ARK2C: variants seen among roughly 807,000 people sequenced by gnomAD.
The protein encoded by ARK2C is E3 ubiquitin-protein ligase ARK2C.
At chr18:46,366,814 C>T in the ARK2C span, among the ~76,000 whole-genome samples, 1 of 152,300 alleles carries the variant, frequency 6.6e-6, no homozygotes. Context: ...TACGTGTGGA[C>T]TACCTGCCAT....
At chr18:46,340,600 A>T in the ARK2C span, among the ~76,000 whole-genome samples, 2 of 152,192 alleles carry the variant, frequency 1.3e-5, no homozygotes. Context: ...CTGACTGCTG[A>T]GATAAAAGAG....
At chr18:46,358,773 C>A in the ARK2C span, among the ~76,000 whole-genome samples, 1 of 152,222 alleles carries the variant, frequency 6.6e-6, no homozygotes, top group Non-Finnish European at 1.5e-5. Context: ...TTCTCACATG[C>A]TCAGGGAGAA....
the ARK2C span, among the ~76,000 whole-genome samples, chr18:46,345,195 C>T: frequency 6.6e-6 from 1 of 151,984 alleles, no homozygotes; most frequent in Admixed American, 6.5e-5. Context: ...GAAGTTTGCG[C>T]CCGCTGGAAC....
At chr18:46,353,414 T>A in the ARK2C span, among the ~76,000 whole-genome samples, 1 of 151,984 alleles carries the variant, frequency 6.6e-6, no homozygotes, top group African/African-American at 2.4e-5. Flanking sequence ...GGCTGCTAGG[T>A]GAGAGCAAGG....
chr18:46,357,183 C>T, the ARK2C span, among the ~76,000 whole-genome samples: 28 of 152,286 alleles, frequency 1.8e-4, no homozygotes, highest in Non-Finnish European at 3.4e-4. Context: ...AAGGACTCCT[C>T]GCTGAATAGT....
the ARK2C span, among the ~76,000 whole-genome samples, chr18:46,362,974 T>A: frequency 6.6e-6 from 1 of 152,066 alleles, no homozygotes; most frequent in African/African-American, 2.4e-5. Context: ...TCCACAGAGA[T>A]CTTTCCACGC....
chr18:46,397,710 G>A, the ARK2C span, among the ~76,000 whole-genome samples: 6 of 142,662 alleles, frequency 4.2e-5, no homozygotes, highest in East Asian at 6.5e-4. Flanking sequence ...GTGAGGGTGT[G>A]TGTGCATGTG....
chr18:46,334,752 G>A, the ARK2C span: 1 of 320,912 alleles, frequency 3.1e-6, no homozygotes, highest in African/African-American at 2.2e-5. The surrounding 1 kb of genome is among the most constrained non-coding windows in gnomAD (Gnocchi z 4.4). Flanking sequence ...GAGCATGCTT[G>A]GTTTTCTGTG....
the ARK2C span, among the ~76,000 whole-genome samples, chr18:46,432,499 G>A: frequency 2.0e-5 from 3 of 152,116 alleles, no homozygotes; most frequent in Admixed American, 6.5e-5. Context: ...GAAATTCTGA[G>A]CTTGGCTAGG....
chr18:46,447,502 C>T, the ARK2C span: 1 of 1,600,476 alleles, frequency 6.2e-7, no homozygotes, highest in Non-Finnish European at 8.6e-7. Flanking sequence ...TGTCTGAGGT[C>T]CCTTCTCTAA....
chr18:46,403,151 T>C, the ARK2C span, among the ~76,000 whole-genome samples: 1 of 152,216 alleles, frequency 6.6e-6, no homozygotes, highest in Non-Finnish European at 1.5e-5. Flanking sequence ...TTCACCTTGT[T>C]GGTTCGTCTG....
the ARK2C span, among the ~76,000 whole-genome samples, chr18:46,372,884 A>T: frequency 6.6e-6 from 1 of 152,228 alleles, no homozygotes. Flanking sequence ...GCACAGGAAC[A>T]ATGAGCTTGC....
the ARK2C span, among the ~76,000 whole-genome samples, chr18:46,380,008 C>A: frequency 2.0e-5 from 3 of 152,214 alleles, no homozygotes; most frequent in Non-Finnish European, 4.4e-5. Context: ...AGAGGCCACC[C>A]CACCCCCAAA....
chr18:46,334,768 C>CT, the ARK2C span: 9 of 291,256 alleles, frequency 3.1e-5, no homozygotes, highest in Non-Finnish European at 5.5e-5. This position sits in a 1 kb window ranked among gnomAD's most constrained non-coding sequence, Gnocchi z 4.4. Context: ...CTGTGGTTTG[C>CT]TTTTTTTGAG....
the ARK2C span, among the ~76,000 whole-genome samples, chr18:46,354,886 A>G: frequency 3.3e-5 from 5 of 152,130 alleles, no homozygotes; most frequent in Non-Finnish European, 7.4e-5. Flanking sequence ...ATCAGTGCCA[A>G]GTTTGTGATT....
At chr18:46,363,524 C>T in the ARK2C span, among the ~76,000 whole-genome samples, 1 of 152,214 alleles carries the variant, frequency 6.6e-6, no homozygotes, top group Non-Finnish European at 1.5e-5. Context: ...AGGATGCACC[C>T]TGTGGTCTCT....
chr18:46,422,287 C>T, the ARK2C span, among the ~76,000 whole-genome samples: 1 of 152,226 alleles, frequency 6.6e-6, no homozygotes, highest in Non-Finnish European at 1.5e-5. Context: ...TCCTGTATCA[C>T]TTTCCCAAGC....
chr18:46,461,624 G>A, the ARK2C span: 1 of 142,736 alleles, frequency 7.0e-6, no homozygotes, highest in African/African-American at 2.6e-5. Context: ...TCTAGCCTGG[G>A]TGATAAGAAC....
the ARK2C span, among the ~76,000 whole-genome samples, chr18:46,395,678 A>C: frequency 6.6e-6 from 1 of 152,194 alleles, no homozygotes; most frequent in Non-Finnish European, 1.5e-5. Context: ...CACTGTCTGG[A>C]GCTCCAAGGA....
Sources: gnomAD v4.1 joint callset for allele counts (sites outside exome capture counted in the v4.1 genomes callset) on GRCh38, gnomAD v4.1.1 for gene constraint, Gnocchi (gnomAD v3.1) non-coding constraint, MANE v1.5 for transcripts, NCBI Gene and HGNC (gene_info 2026-07-23, HGNC 2026-07-21) for gene names.